Variants in FDX1 observed in about 807,000 individuals in gnomAD.
FDX1 encodes the protein ferredoxin 1, also known as adrenodoxin, mitochondrial.
Under a neutral mutation model 14.9 loss-of-function variants are expected in FDX1, and 9 were observed. That is an observed-to-expected ratio of 0.60 (90% CI 0.36 to 1.05). The LOEUF (loss-of-function observed/expected upper bound fraction) is 1.05. Ranked by LOEUF, FDX1 falls within the 50% of genes least tolerant of loss-of-function variation. FDX1 has a pLI of 0.01. For synonymous variants in FDX1, 92 were observed against 99.4 expected (o/e 0.93, Z 0.44); for missense variants, 204 against 237.2 (o/e 0.86, Z 0.92).
Position 110,463,062 on chromosome 11 carries a change from A to G in FDX1, c.*594A>G, listed in dbSNP as rs150214581. The G allele has an allele frequency of 1.3e-5, 2 of 152,378 alleles. No individual in the cohort carries two copies. The highest frequency in any genetic ancestry group is 6.5e-5 in the Admixed American group (1 of 15,304). 9.4% of individuals were successfully genotyped at this position (152,378 alleles called of 1,614,324 possible). On this transcript the variant is annotated 3_prime_UTR_variant, in exon 4 of 4. Coordinates refer to ENST00000260270, the MANE Select transcript of FDX1 (RefSeq NM_004109.5). ...TGACCTTATAAATAAATATTTCAAAATTTTGATTCGGAAGACTAAGTCTGG... is the reference window on the plus strand; with the variant it reads ...TGACCTTATAAATAAATATTTCAAAGTTTTGATTCGGAAGACTAAGTCTGG...
chr11:110,432,411 T>G (rs971038989), intron 1 of FDX1, among the ~76,000 whole-genome samples: 1 of 152,188 alleles, frequency 6.6e-6, no homozygotes, highest in Non-Finnish European at 1.5e-5. Flanking sequence ...AATTTTAAAT[T>G]TCTATTTATT....
At position 110,464,079 on chromosome 11, in the gene FDX1, A is replaced by T; in HGVS notation, c.*1611A>T. On this transcript the variant is annotated 3_prime_UTR_variant, in exon 4 of 4. Transcript: ENST00000260270. ...AGGCACGGACCACCACGCCTGGCTA[A>T]TTTTTGTATTTTTTCTAGGGACAGG... 6.6e-6 allele frequency: 1 copy of T among 151,796 alleles called. No individual in the cohort carries two copies. The highest frequency in any genetic ancestry group is 2.1e-4 in the South Asian group (1 of 4,788). The allele number at this position is 151,796 out of a possible 1,614,324, so 9.4% of individuals were successfully genotyped here. A position where few individuals can be genotyped will look rare whatever the true frequency, so the allele number is the denominator to read the frequency against.
chr11:110,457,970 G>A (rs192164566), intron 3 of FDX1, among the ~76,000 whole-genome samples: 1 of 152,162 alleles, frequency 6.6e-6, no homozygotes, highest in East Asian at 1.9e-4. Context: ...TATCTCTTTG[G>A]ACACCAAAGC....
chr11:110,457,266 G>A (rs112956327), intron 3 of FDX1, among the ~76,000 whole-genome samples: 19 of 152,160 alleles, frequency 1.2e-4, no homozygotes, highest in African/African-American at 4.6e-4. Flanking sequence ...AAAATTAATT[G>A]GAAGTATAAG....
chr11:110,437,578 C>G (rs978364790), intron 2 of FDX1, among the ~76,000 whole-genome samples: 2 of 152,016 alleles, frequency 1.3e-5, no homozygotes, highest in Non-Finnish European at 2.9e-5. Context: ...GAACATTTTT[C>G]CGTATGTTTG....
At chr11:110,445,720 G>T (rs955563931) in intron 2 of FDX1, among the ~76,000 whole-genome samples, 7 of 152,216 alleles carry the variant, frequency 4.6e-5, no homozygotes, top group Non-Finnish European at 7.4e-5. Context: ...CTTGGGTTGG[G>T]TATCTAACCT....
intron 2 of FDX1, among the ~76,000 whole-genome samples, chr11:110,443,194 A>G (rs1313770068): frequency 6.6e-6 from 1 of 152,172 alleles, no homozygotes; most frequent in East Asian, 1.9e-4. Context: ...TGAAGACACA[A>G]AACTGTGGCA....
intron 3 of FDX1, among the ~76,000 whole-genome samples, chr11:110,457,644 C>T (rs1472235615): frequency 6.6e-6 from 1 of 152,012 alleles, no homozygotes; most frequent in Non-Finnish European, 1.5e-5. Flanking sequence ...AGCTGATATA[C>T]TATTTCAAGG....
At chr11:110,450,806 G>GTA (rs1027616985) in intron 2 of FDX1, among the ~76,000 whole-genome samples, 2 of 151,780 alleles carry the variant, frequency 1.3e-5, no homozygotes, top group African/African-American at 2.4e-5. Flanking sequence ...GTATATCCAT[G>GTA]TATATATATA....
chr11:110,446,365 AG>A (rs1170296255), intron 2 of FDX1, among the ~76,000 whole-genome samples: 1 of 152,214 alleles, frequency 6.6e-6, no homozygotes, highest in East Asian at 1.9e-4. Flanking sequence ...GGCTGACCGA[AG>A]TACTTAGTTT....
intron 2 of FDX1, among the ~76,000 whole-genome samples, chr11:110,451,624 A>T (rs1460108747): frequency 6.6e-6 from 1 of 152,224 alleles, no homozygotes; most frequent in African/African-American, 2.4e-5. Context: ...CTGTTATAAA[A>T]ATACGTGCAT....
chr11:110,444,698 A>ATG (rs1946433280), intron 2 of FDX1, among the ~76,000 whole-genome samples: 8 of 64,912 alleles, frequency 1.2e-4, no homozygotes, highest in African/African-American at 5.8e-4. Flanking sequence ...GTATATATAT[A>ATG]TATATACGTA....
intron 2 of FDX1, among the ~76,000 whole-genome samples, chr11:110,451,514 G>A (rs1946486541): frequency 6.6e-6 from 1 of 152,126 alleles, no homozygotes; most frequent in Non-Finnish European, 1.5e-5. Flanking sequence ...CAACCATTGT[G>A]GAAGACAGTG....
chr11:110,457,020 T>C lies in FDX1; in HGVS notation c.413T>C (p.Leu138Pro), dbSNP rs747562330. The stretch of plus-strand genomic sequence containing the variant: ...ATCACTGATGAGGAGAATGACATGC[T>C]CGATCTGGCATATGGACTAACAGAC... ...DAITDEENDM[L>P]DLAYGLTDRS... The change falls in exon 3 of 4, where the codon CTC (leucine) becomes CCC (proline). Residue 138 changes from leucine (L) to proline (P), a missense_variant. Transcript: ENST00000260270. 2 of 1,613,480 alleles carry C rather than the reference T, an allele frequency of 1.2e-6. No individual in the cohort carries two copies. Among genetic ancestry groups the C allele is most frequent in the Non-Finnish European group, 8.5e-7 (1 of 1,179,574 alleles).
chr11:110,429,786 A>G (rs1946315599), upstream of FDX1: 2 of 205,366 alleles, frequency 9.7e-6, no homozygotes, highest in Non-Finnish European at 1.9e-5. Context: ...TCTGCACGGC[A>G]ACTTCAGCCG....
chr11:110,440,626 T>G (rs1946399152), intron 2 of FDX1, among the ~76,000 whole-genome samples: 1 of 152,210 alleles, frequency 6.6e-6, no homozygotes, highest in Non-Finnish European at 1.5e-5. Context: ...AATCTTAATA[T>G]CTCATAACAG....
chr11:110,433,621 ATG>A (rs1946345904), intron 1 of FDX1, among the ~76,000 whole-genome samples: 1 of 152,176 alleles, frequency 6.6e-6, no homozygotes, highest in South Asian at 2.1e-4. Flanking sequence ...TTTGAAAAAA[ATG>A]GCAGTTATTC....
Position 110,463,413 on chromosome 11 carries a change from CA to C in FDX1, c.*947del, listed in dbSNP as rs1946568869. The C allele has an allele frequency of 6.6e-6, 1 of 152,202 alleles. No individual in the cohort carries two copies. The highest frequency in any genetic ancestry group is 6.5e-5 in the Admixed American group (1 of 15,286). The allele number at this position is 152,202 out of a possible 1,614,324, so 9.4% of individuals were successfully genotyped here. On this transcript the variant is annotated 3_prime_UTR_variant, in exon 4 of 4. Coordinates refer to ENST00000260270, the MANE Select transcript of FDX1 (RefSeq NM_004109.5). ...GTCAGTCCCAGGAGTGAGGGAGTGG[CA>C]AGCACCACAGATTACCACGTATGTG...
rs188398475 is a variant in FDX1 at position 110,461,072 on chromosome 11, T to C, written c.441-1282T>C. On this transcript the variant is annotated intron_variant, in intron 3 of 3. Coordinates refer to ENST00000260270, the MANE Select transcript of FDX1 (RefSeq NM_004109.5). ...TGTAAGATTAACATTTCTTTTTATA[T>C]GCCACTAAGGAAGATAAAAGCACTG... is the stretch of plus-strand genomic sequence containing the variant. Among the ~76,000 whole-genome samples, 28 of 152,342 alleles carry C rather than the reference T, an allele frequency of 1.8e-4. No homozygotes were observed. The East Asian group carries it at 5.0e-3, about 27-fold the overall frequency.
Sources: allele counts gnomAD v4.1 joint callset (sites outside exome capture counted in the v4.1 genomes callset), GRCh38; gene constraint gnomAD v4.1.1; transcripts MANE v1.5; gene names NCBI Gene and HGNC (gene_info 2026-07-23, HGNC 2026-07-21).